CNTN4: variants seen among roughly 807,000 people sequenced by gnomAD.
The protein encoded by CNTN4 is contactin 4.
A neutral mutation model predicts 122.5 loss-of-function variants in CNTN4; 77 were observed. The observed-to-expected ratio is 0.63, with a 90% CI of 0.52 to 0.76. CNTN4 has a LOEUF of 0.76. CNTN4 is among the 30% of genes least tolerant of loss of function. CNTN4 has a pLI of 0.00. For synonymous variants in CNTN4, 512 were observed against 447.0 expected (o/e 1.15, Z -1.83); for missense variants, 1,256 against 1,259.1 (o/e 1.00, Z 0.04).
chr3:2,377,772 A>ATTC (rs34464778), intron 3 of CNTN4, among the ~76,000 whole-genome samples: 24 of 137,972 alleles, frequency 1.7e-4, no homozygotes, highest in African/African-American at 6.2e-4. Flanking sequence ...TTTTTTTGTG[A>ATTC]TTATTTTTTT....
rs147091777 is a variant in CNTN4, at chr3:2,955,395, A to G, written c.1358+29616A>G. Among the ~76,000 whole-genome samples the G allele has an allele frequency of 5.8e-3, 881 of 152,314 alleles. 6 individuals are homozygous for G. The highest frequency in any genetic ancestry group is 0.02 in the African/African-American group (852 of 41,574). ...TCTGATTTTGAGTGACAAAATACAC[A>G]CAAACTCATCTCTTCTATCCACCAT... On this transcript the variant is annotated intron_variant, in intron 13 of 24. Coordinates refer to ENST00000418658, the MANE Select transcript of CNTN4 (RefSeq NM_175607.3).
intron 12 of CNTN4, among the ~76,000 whole-genome samples, chr3:2,924,420 C>T (rs1043418829): frequency 6.6e-6 from 1 of 151,852 alleles, no homozygotes; most frequent in African/African-American, 2.4e-5. Context: ...TAAATTCCAC[C>T]AGGTCAAACT....
At chr3:3,018,306 C>T (rs1697953725) in intron 14 of CNTN4, among the ~76,000 whole-genome samples, 2 of 152,152 alleles carry the variant, frequency 1.3e-5, no homozygotes, top group Non-Finnish European at 2.9e-5. Flanking sequence ...ATTCATTCTT[C>T]TTTTTATAAG....
At chr3:2,334,841 G>GAATTACCA (rs2043879050) in intron 2 of CNTN4, among the ~76,000 whole-genome samples, 1 of 151,892 alleles carries the variant, frequency 6.6e-6, no homozygotes, top group Non-Finnish European at 1.5e-5. Context: ...GAACATGTTC[G>GAATTACCA]TTAGAATTAT....
At chr3:2,677,221 C>A (rs1020254322) in intron 4 of CNTN4, among the ~76,000 whole-genome samples, 1 of 148,000 alleles carries the variant, frequency 6.8e-6, no homozygotes, top group Non-Finnish European at 1.5e-5. Context: ...ATATATATAT[C>A]TATATAGAGA....
intron 3 of CNTN4, among the ~76,000 whole-genome samples, chr3:2,523,652 A>G (rs2077300729): frequency 6.6e-6 from 1 of 152,024 alleles, no homozygotes; most frequent in South Asian, 2.1e-4. Flanking sequence ...GTCAGTATGA[A>G]GAGGTTTTCA....
chr3:2,860,698 C>G (rs1004599507), intron 7 of CNTN4, among the ~76,000 whole-genome samples: 1 of 152,188 alleles, frequency 6.6e-6, no homozygotes, highest in Non-Finnish European at 1.5e-5. Flanking sequence ...TGGATGACAG[C>G]TCACATATGA....
Position 2,745,550 on chromosome 3 carries a change from A to C in CNTN4, c.211A>C (p.Thr71Pro). The change falls in exon 6 of 25, where the codon ACT becomes CCT. Residue 71 changes from threonine (T) to proline (P), a missense_variant. Coordinates refer to ENST00000418658, the MANE Select transcript of CNTN4 (RefSeq NM_175607.3). ...RWKLNGTDVDTGMDFRYSVVE... is the reference protein window; with the variant it reads ...RWKLNGTDVDPGMDFRYSVVE... ...GAAGTTAAATGGAACAGATGTTGAC[A>C]CTGGTATGGATTTCCGCTACAGTGT... is the stretch of plus-strand genomic sequence containing the variant. The C allele has an allele frequency of 1.2e-6, 2 of 1,614,126 alleles. No homozygotes were observed. The highest frequency in any genetic ancestry group is 1.7e-6 in the Non-Finnish European group (2 of 1,179,978).
chr3:2,688,935 G>A (rs1304665367), intron 4 of CNTN4, among the ~76,000 whole-genome samples: 3 of 152,150 alleles, frequency 2.0e-5, no homozygotes, highest in Non-Finnish European at 4.4e-5. Context: ...CCAAGATGAG[G>A]AGATACGTCC....
chr3:2,934,541 C>T (rs571754025), intron 13 of CNTN4, among the ~76,000 whole-genome samples: 120 of 152,230 alleles, frequency 7.9e-4, no homozygotes, highest in Non-Finnish European at 1.4e-3. Context: ...AATGTGATGG[C>T]AGGTATTTGC....
chr3:2,696,968 G>A (rs766931697), intron 4 of CNTN4, among the ~76,000 whole-genome samples: 16 of 152,132 alleles, frequency 1.1e-4, no homozygotes, highest in Non-Finnish European at 1.3e-4. Context: ...ACTTAGGAAC[G>A]GAAGGTTGCG....
chr3:2,785,162 G>T (rs1160518955), intron 6 of CNTN4, among the ~76,000 whole-genome samples: 2 of 149,046 alleles, frequency 1.3e-5, no homozygotes, highest in Admixed American at 6.7e-5. Context: ...GAGAGAGAGA[G>T]AGAGAGATTT....
intron 2 of CNTN4, among the ~76,000 whole-genome samples, chr3:2,128,197 T>C (rs147498312): frequency 2.5e-3 from 376 of 152,340 alleles, no homozygotes; most frequent in African/African-American, 8.7e-3. Flanking sequence ...TCTTTTCTCA[T>C]TGTTACATTT....
intron 6 of CNTN4, among the ~76,000 whole-genome samples, chr3:2,805,109 G>A (rs900072446): frequency 6.6e-5 from 10 of 152,206 alleles, no homozygotes; most frequent in Middle Eastern, 3.4e-3. Context: ...CCTGGGAGGC[G>A]GAGGTTGCAG....
chr3:3,044,693 G>C (rs1700463376), intron 23 of CNTN4, among the ~76,000 whole-genome samples: 1 of 152,216 alleles, frequency 6.6e-6, no homozygotes, highest in Non-Finnish European at 1.5e-5. Flanking sequence ...CAACGCAGTA[G>C]ACTGGTGATT....
chr3:2,131,516 A>G (rs1005919432), intron 2 of CNTN4, among the ~76,000 whole-genome samples: 4 of 152,294 alleles, frequency 2.6e-5, no homozygotes, highest in African/African-American at 9.6e-5. Flanking sequence ...GAGAGAGAAT[A>G]CTTGAGCTTG....
intron 5 of CNTN4, among the ~76,000 whole-genome samples, chr3:2,744,021 C>T (rs894179237): frequency 1.3e-5 from 2 of 152,120 alleles, no homozygotes; most frequent in African/African-American, 4.8e-5. Context: ...TGCCATGTTG[C>T]CCAAGCTATT....
chr3:2,106,440 C>G (rs2032448542), intron 2 of CNTN4, among the ~76,000 whole-genome samples: 1 of 152,218 alleles, frequency 6.6e-6, no homozygotes, highest in Non-Finnish European at 1.5e-5. Context: ...GTTCCCAAAC[C>G]TTCATTTTTG....
At chr3:3,037,446 CTT>C in intron 18 of CNTN4, 118 bp downstream of exon 18, 2 of 1,357,064 alleles carry the variant, frequency 1.5e-6, no homozygotes, top group Non-Finnish European at 2.1e-6. Context: ...TCACCCTTCC[CTT>C]TAAATGTTTA....
Sources: gnomAD v4.1 joint callset for allele counts (sites outside exome capture counted in the v4.1 genomes callset) on GRCh38, gnomAD v4.1.1 for gene constraint, MANE v1.5 for transcripts, NCBI Gene and HGNC (gene_info 2026-07-23, HGNC 2026-07-21) for gene names.